Variants in MAST1 observed in about 807,000 individuals in gnomAD.
MAST1 encodes the protein microtubule-associated serine/threonine-protein kinase 1.
A neutral mutation model predicts 124.6 loss-of-function variants in MAST1; 40 were observed. That is an observed-to-expected ratio of 0.32 (90% confidence interval 0.25 to 0.42). The LOEUF is 0.42. Among genes scored for constraint, MAST1 ranks in the 10% least tolerant of loss-of-function variants. The probability of loss-of-function intolerance (pLI) is 1.00; values close to 1 mark genes in which losing one functional copy is unlikely to be tolerated. For synonymous variants in MAST1, 938 were observed against 939.4 expected (o/e 1.00, Z 0.03); for missense variants, 1,558 against 2,181.9 (o/e 0.71, Z 5.70).
chr19:12,844,741 G>A (rs1475709011), intron 4 of MAST1, among the ~76,000 whole-genome samples: 2 of 152,144 alleles, frequency 1.3e-5, no homozygotes, highest in Non-Finnish European at 2.9e-5. Flanking sequence ...TTTGGGATGC[G>A]GGGGAGGAAT....
rs759141821 is a variant in MAST1 at position 12,864,852 on chromosome 19, C to A, written c.1410C>A (p.Pro470=). 2 of 1,613,898 alleles carry A rather than the reference C, an allele frequency of 1.2e-6. No individual in the cohort carries two copies. The highest frequency in any genetic ancestry group is 1.7e-6 in the Non-Finnish European group (2 of 1,180,028). The change falls in exon 13 of 26, where the codon CCC becomes CCA. Residue 470 remains proline, a synonymous_variant. Transcript: ENST00000251472. ...ATLLKNIGAL[P]VEMARMYFAE... is the part of the protein sequence containing the mutation. ...TGCTGAAGAATATTGGAGCGCTGCC[C>A]GTAGAGATGGCCCGCATGTACTTTG...
chr19:12,868,102 G>GCTTTTTTTTTTT (rs1568414424), intron 20 of MAST1, 125 bp downstream of exon 20: 1 of 533,862 alleles, frequency 1.9e-6, no homozygotes. Context: ...TGCAATTTGG[G>GCTTTTTTTTTTT]ATTTTTTTTT....
intron 12 of MAST1, among the ~76,000 whole-genome samples, chr19:12,862,441 C>T (rs1970095738): frequency 6.6e-6 from 1 of 152,140 alleles, no homozygotes; most frequent in South Asian, 2.1e-4. Context: ...TACAGGCAGG[C>T]ACCACCATGT....
At chr19:12,852,433 C>T in intron 10 of MAST1, 38 bp downstream of exon 10, 3 of 1,457,942 alleles carry the variant, frequency 2.1e-6, no homozygotes, top group South Asian at 1.1e-5. Context: ...ACCCTGGTTC[C>T]TGGGAGGGCA....
At chr19:12,858,471 G>C (rs1226699946) in intron 11 of MAST1, 30 bp downstream of exon 11, 5 of 1,612,320 alleles carry the variant, frequency 3.1e-6, no homozygotes, top group African/African-American at 2.7e-5. Context: ...GGCGGGGGGA[G>C]GGTGGCGGAG....
At chr19:12,846,252 T>C (rs942073041) in intron 4 of MAST1, among the ~76,000 whole-genome samples, 1 of 149,918 alleles carries the variant, frequency 6.7e-6, no homozygotes, top group Non-Finnish European at 1.5e-5. Flanking sequence ...ACAGTTTCAC[T>C]ATGTTGCCCA....
chr19:12,838,750 C>G lies in MAST1; in HGVS notation c.83+95C>G. On this transcript the variant is annotated intron_variant, in intron 1 of 25. Coordinates refer to ENST00000251472, the MANE Select transcript of MAST1 (RefSeq NM_014975.3). The surrounding 1 kb of genome is among the most constrained non-coding windows in gnomAD (Gnocchi z 4.3). The stretch of plus-strand genomic sequence containing the variant: ...AGGGCGGGGCCCGGGATGCTGCGCC[C>G]GGTCCAGCTGCGCCAGAGGTGCCCC... 8.7e-7 allele frequency: 1 copy of G among 1,146,050 alleles called. No homozygotes were observed. The highest frequency in any genetic ancestry group is 1.5e-5 in the South Asian group (1 of 66,410). 71.0% of individuals were successfully genotyped at this position (1,146,050 alleles called of 1,614,324 possible).
chr19:12,858,882 T>C, intron 12 of MAST1, 143 bp downstream of exon 12: 1 of 757,234 alleles, frequency 1.3e-6, no homozygotes, highest in Non-Finnish European at 2.2e-6. Flanking sequence ...AGTCATTGAT[T>C]TGTCCATCCA....
rs1969912636 is a variant in MAST1, at chr19:12,847,763, C to A, written c.564+76C>A. 6.3e-7 allele frequency: 1 copy of A among 1,586,136 alleles called. No individual in the cohort carries two copies. The highest frequency in any genetic ancestry group is 1.3e-5 in the African/African-American group (1 of 74,158). ...CGCTCGCCTTATCCCCGCGCGCCCC[C>A]TGGCGGCCTCGGTGCGCAGCGCAGG... On this transcript the variant is annotated intron_variant, in intron 6 of 25. Transcript: ENST00000251472. This position sits in a 1 kb window ranked among gnomAD's most constrained non-coding sequence, Gnocchi z 5.5.
At chr19:12,853,659 G>A (rs1052017499) in intron 10 of MAST1, among the ~76,000 whole-genome samples, 2 of 152,008 alleles carry the variant, frequency 1.3e-5, no homozygotes, top group Non-Finnish European at 2.9e-5. Flanking sequence ...CTTGAGGTCA[G>A]GAATTCGAAA....
chr19:12,868,517 C>G, intron 20 of MAST1, 126 bp from the exon 21 acceptor site: 1 of 783,364 alleles, frequency 1.3e-6, no homozygotes. Flanking sequence ...ATGCAGGTTA[C>G]CTGCTCAGAT....
chr19:12,864,930 C>T lies in MAST1; in HGVS notation c.1488C>T (p.Arg496=), dbSNP rs1418209042. 5.0e-6 allele frequency: 8 copies of T among 1,614,024 alleles called. No individual in the cohort carries two copies. The highest frequency in any genetic ancestry group is 6.8e-6 in the Non-Finnish European group (8 of 1,180,022). Residue 496 remains arginine (R), a synonymous_variant, in exon 13 of 26, where the codon CGC becomes CGT. Transcript: ENST00000251472. ...EYLHNYGIVH[R]DLKPDNLLIT... ...TGCACAACTATGGCATCGTGCACCG[C>T]GACCTCAAGCCTGACAAGTGAGCTT...
In MAST1 at chr19:12,842,239, TG is replaced by T. The variant is rs534253523; in HGVS notation, c.248+1174del. ...GTGTAAGCGTGTGTGAGTGTGTGGC[TG>T]TGAGATAGTAAACACAGAGTCACAG... On this transcript the variant is annotated intron_variant, in intron 3 of 25. Transcript: ENST00000251472. Among the ~76,000 whole-genome samples the T allele has an allele frequency of 2.8e-3, 420 of 152,008 alleles. 1 individual carries two copies. Among genetic ancestry groups the T allele is most frequent in the Non-Finnish European group, 4.9e-3 (336 of 67,980 alleles).
chr19:12,840,284 C>T (rs551842791), intron 1 of MAST1, among the ~76,000 whole-genome samples, 162 bp from the exon 2 acceptor site: 2 of 152,350 alleles, frequency 1.3e-5, no homozygotes, highest in East Asian at 1.9e-4. Flanking sequence ...ACAGTCCTGC[C>T]GAGGCCTGCA....
chr19:12,870,157 G>C (rs1402312269), intron 22 of MAST1, among the ~76,000 whole-genome samples: 1 of 128,044 alleles, frequency 7.8e-6, no homozygotes, highest in Non-Finnish European at 1.6e-5. Context: ...CTTTAGCCTG[G>C]GCGACAGAGC....
chr19:12,852,469 T>C (rs1287033251), intron 10 of MAST1, 74 bp downstream of exon 10: 17 of 1,415,660 alleles, frequency 1.2e-5, no homozygotes, highest in Non-Finnish European at 1.7e-5. Context: ...CCGGCTTCTT[T>C]GCCCTCAGGC....
chr19:12,862,256 C>T (rs1050825472), intron 12 of MAST1, among the ~76,000 whole-genome samples: 1 of 152,172 alleles, frequency 6.6e-6, no homozygotes, highest in Non-Finnish European at 1.5e-5. Flanking sequence ...CCATCAGTCT[C>T]GGCCTCCCGA....
rs552867944 is a variant in MAST1 at position 12,855,627 on chromosome 19, T to G, written c.1078-2735T>G. On this transcript the variant is annotated intron_variant, in intron 10 of 25. Coordinates refer to ENST00000251472, the MANE Select transcript of MAST1 (RefSeq NM_014975.3). ...TTTGTAATCTTTATTTCAAATTGTG[T>G]CTATACAGTCACACAGATATATACA... Among the ~76,000 whole-genome samples, 160 of 152,342 alleles carry G rather than the reference T, an allele frequency of 1.1e-3. 1 individual carries two copies. Among genetic ancestry groups the G allele is most frequent in the Non-Finnish European group, 8.8e-5 (6 of 68,036 alleles).
At chr19:12,848,277 C>A (rs1285589381) in intron 7 of MAST1, 2 of 554,792 alleles carry the variant, frequency 3.6e-6, no homozygotes, top group African/African-American at 3.8e-5. Flanking sequence ...GGTCTTTACT[C>A]AAATGTCACC....
Sources: allele counts gnomAD v4.1 joint callset (sites outside exome capture counted in the v4.1 genomes callset), GRCh38; gene constraint gnomAD v4.1.1; non-coding constraint Gnocchi (gnomAD v3.1); transcripts MANE v1.5; gene names NCBI Gene and HGNC (gene_info 2026-07-23, HGNC 2026-07-21).